Variants in TCERG1L observed in about 807,000 individuals in gnomAD.
TCERG1L encodes transcription elongation regulator 1-like protein.
TCERG1L carries 37 observed loss-of-function variants against 56.3 expected under a neutral mutation model. The ratio of observed to expected loss-of-function variants is 0.66; its 90% CI spans 0.51 to 0.87. The LOEUF is 0.87. Among genes scored for constraint, TCERG1L ranks in the 40% least tolerant of loss-of-function variants. The probability of loss-of-function intolerance (pLI) is 0.00; values close to 1 mark genes in which losing one functional copy is unlikely to be tolerated. For missense variants in TCERG1L, 799 were observed against 774.2 expected (o/e 1.03, Z -0.38); for synonymous variants, 324 against 326.3 (o/e 0.99, Z 0.08).
At chr10:131,232,435 G>C (rs1845862825) in intron 4 of TCERG1L, among the ~76,000 whole-genome samples, 1 of 152,208 alleles carries the variant, frequency 6.6e-6, no homozygotes, top group Non-Finnish European at 1.5e-5. Flanking sequence ...TGGCTAACAG[G>C]CAGTGCACAC....
intron 9 of TCERG1L, among the ~76,000 whole-genome samples, chr10:131,110,050 C>T (rs1845395371): frequency 6.6e-6 from 1 of 152,202 alleles, no homozygotes; most frequent in Non-Finnish European, 1.5e-5. Context: ...CCGCAGGCAT[C>T]TCGCTGGAGA....
At chr10:131,175,854 G>A (rs2133445116) in intron 4 of TCERG1L, among the ~76,000 whole-genome samples, 1 of 152,304 alleles carries the variant, frequency 6.6e-6, no homozygotes, top group East Asian at 1.9e-4. Flanking sequence ...AACGAAGACA[G>A]GGATTGAGAT....
intron 10 of TCERG1L, among the ~76,000 whole-genome samples, chr10:131,099,076 G>T (rs879701782): frequency 2.6e-5 from 4 of 152,218 alleles, no homozygotes; most frequent in Admixed American, 1.3e-4. Flanking sequence ...CATCAGTGTG[G>T]AAACAACTGG....
chr10:131,101,779 C>T lies in TCERG1L; in HGVS notation c.1485+2486G>A, dbSNP rs149851924. 5.0e-3 allele frequency among the ~76,000 whole-genome samples: 763 copies of T among 152,246 alleles called. 3 individuals are homozygous for T. The highest frequency in any genetic ancestry group is 0.015 in the African/African-American group (642 of 41,542). ...GCAGTGGCGTGATCTCGGCTCACTG[C>T]AACCTCTGCCTCCCGGGTTCAAGTG... On this transcript the variant is annotated intron_variant, in intron 10 of 11. Coordinates refer to ENST00000368642, the MANE Select transcript of TCERG1L (RefSeq NM_174937.4).
intron 4 of TCERG1L, among the ~76,000 whole-genome samples, chr10:131,236,808 T>C (rs1334438818): frequency 1.3e-5 from 2 of 152,140 alleles, no homozygotes; most frequent in Admixed American, 6.6e-5. Context: ...CATGAGTCCC[T>C]AGAAGTGGGT....
Position 131,134,434 on chromosome 10 carries a change from C to A in TCERG1L, c.1204G>T (p.Gly402Trp). Residue 402 changes from glycine to tryptophan, a missense_variant, in exon 8 of 12, where the codon GGG becomes TGG. Physicochemically the swap from Gly to Trp is radical, Grantham distance 184. Coordinates refer to ENST00000368642, the MANE Select transcript of TCERG1L (RefSeq NM_174937.4). Reference sequence around the variant, plus strand: ...TCCCTGTTGTCTTCAGAACTGGACCCATCGCTGTTGTCAGCTGAAAGAAAA... The same window carrying A: ...TCCCTGTTGTCTTCAGAACTGGACCAATCGCTGTTGTCAGCTGAAAGAAAA... ...LEAPATDNSD[G>W]SSSEDNREDQ... 1.3e-6 allele frequency: 2 copies of A among 1,594,450 alleles called. No homozygotes were observed. Among genetic ancestry groups the A allele is most frequent in the Admixed American group, 3.5e-5 (2 of 57,496 alleles).
chr10:131,095,186 C>CCAACCCCACCGGGTGT lies in TCERG1L; in HGVS notation c.1605-1884_1605-1869dup, dbSNP rs1403881244. 1.0e-3 allele frequency: 159 copies of CCAACCCCACCGGGTGT among 153,082 alleles called. 3 individuals are homozygous for CCAACCCCACCGGGTGT. In the South Asian group the frequency reaches 0.026, roughly 25 times the overall value. The allele number at this position is 153,082 out of a possible 1,614,324, so 9.5% of individuals were successfully genotyped here. On this transcript the variant is annotated intron_variant, in intron 11 of 11. Coordinates refer to ENST00000368642, the MANE Select transcript of TCERG1L (RefSeq NM_174937.4). ...CTGGGCGGCTAACCCCACCGGGCGG[C>CCAACCCCACCGGGTGT]CAACCCCACCGGGTGTCAACCCCAC...
chr10:131,166,546 G>C (rs1846031971), intron 5 of TCERG1L, among the ~76,000 whole-genome samples: 1 of 152,192 alleles, frequency 6.6e-6, no homozygotes, highest in African/African-American at 2.4e-5. Context: ...AGTTCAAATG[G>C]AAGCCAAATC....
At chr10:131,232,530 A>G (rs547000056) in intron 4 of TCERG1L, among the ~76,000 whole-genome samples, 5 of 152,384 alleles carry the variant, frequency 3.3e-5, no homozygotes, top group Admixed American at 3.3e-4. Flanking sequence ...GCTTTGGTCC[A>G]TAGCCAATTT....
intron 3 of TCERG1L, among the ~76,000 whole-genome samples, chr10:131,289,545 G>A (rs1244944058): frequency 8.5e-6 from 1 of 117,524 alleles, no homozygotes; most frequent in African/African-American, 3.0e-5. Context: ...GTGTGTATGT[G>A]TGCACCGCTG....
At chr10:131,292,456 T>C (rs1173460108) in intron 3 of TCERG1L, among the ~76,000 whole-genome samples, 1 of 152,248 alleles carries the variant, frequency 6.6e-6, no homozygotes, top group East Asian at 1.9e-4. Context: ...CCCAATACTT[T>C]GTAGGATTTG....
At chr10:131,168,058 G>A (rs1244780660) in intron 4 of TCERG1L, among the ~76,000 whole-genome samples, 2 of 152,180 alleles carry the variant, frequency 1.3e-5, no homozygotes, top group Non-Finnish European at 2.9e-5. Flanking sequence ...TTGATCCAGA[G>A]CTCAAGACTG....
chr10:131,120,416 T>C (rs1438209380), intron 8 of TCERG1L, among the ~76,000 whole-genome samples: 3 of 152,244 alleles, frequency 2.0e-5, no homozygotes, highest in Non-Finnish European at 4.4e-5. Context: ...ACACCTGCTG[T>C]GGGCACAGAG....
chr10:131,141,159 C>G (rs151123869), intron 7 of TCERG1L, among the ~76,000 whole-genome samples: 230 of 152,274 alleles, frequency 1.5e-3, no homozygotes, highest in Non-Finnish European at 2.7e-3. Context: ...GGTCAATAAT[C>G]ATAATGGGGA....
At chr10:131,113,001 C>T (rs541522040) in intron 9 of TCERG1L, among the ~76,000 whole-genome samples, 5 of 142,280 alleles carry the variant, frequency 3.5e-5, no homozygotes, top group African/African-American at 1.2e-4. Context: ...CGGGTGGACC[C>T]GGGTAACTGT....
intron 4 of TCERG1L, among the ~76,000 whole-genome samples, chr10:131,182,275 T>C (rs1239022051): frequency 1.3e-5 from 2 of 152,210 alleles, no homozygotes; most frequent in Admixed American, 6.5e-5. Context: ...GCATTGTCAC[T>C]GGGTGAAAGG....
chr10:131,117,808 G>T (rs923178168), intron 8 of TCERG1L, among the ~76,000 whole-genome samples: 1 of 152,230 alleles, frequency 6.6e-6, no homozygotes, highest in African/African-American at 2.4e-5. Flanking sequence ...CACGTGGATA[G>T]ATCTTTATGG....
chr10:131,279,492 C>G (rs1753582262), intron 3 of TCERG1L, among the ~76,000 whole-genome samples: 1 of 152,152 alleles, frequency 6.6e-6, no homozygotes, highest in African/African-American at 2.4e-5. Context: ...CCAGCAGGGG[C>G]CAAAAAAATC....
At chr10:131,164,405 G>A (rs1052032983) in intron 5 of TCERG1L, among the ~76,000 whole-genome samples, 1 of 152,198 alleles carries the variant, frequency 6.6e-6, no homozygotes, top group South Asian at 2.1e-4. Flanking sequence ...TGTTCAGTCA[G>A]TACTGAGCCG....
Sources: gnomAD v4.1 joint callset for allele counts (sites outside exome capture counted in the v4.1 genomes callset) on GRCh38, gnomAD v4.1.1 for gene constraint, MANE v1.5 for transcripts, NCBI Gene and HGNC (gene_info 2026-07-23, HGNC 2026-07-21) for gene names.